Variants in CD86 observed in about 807,000 individuals in gnomAD.
CD86 encodes the protein CD86 molecule.
In CD86, 11 loss-of-function variants were observed where a neutral mutation model predicts 32.1. The ratio of observed to expected loss-of-function variants is 0.34; its 90% CI spans 0.22 to 0.57. CD86 has a LOEUF of 0.57. CD86 is among the 20% of genes least tolerant of loss of function. CD86 has a pLI of 0.86. For missense variants in CD86, 359 were observed against 398.4 expected, an observed-to-expected ratio of 0.90 and a Z score of 0.84; for synonymous variants, 137 against 135.3, an observed-to-expected ratio of 1.01 and a Z score of -0.09.
chr3:122,080,466 G>A (rs145287003), intron 1 of CD86, among the ~76,000 whole-genome samples: 1 of 152,196 alleles, frequency 6.6e-6, no homozygotes, highest in East Asian at 1.9e-4. Context: ...CCTTCTTCTA[G>A]GCCAGTGAGG....
intron 2 of CD86, among the ~76,000 whole-genome samples, chr3:122,100,510 A>C (rs966113874): frequency 2.0e-5 from 3 of 151,946 alleles, no homozygotes; most frequent in African/African-American, 7.3e-5. Context: ...AAAAGAAGGA[A>C]TTTTTTTTAG....
chr3:122,070,430 C>T (rs912868241), intron 1 of CD86, among the ~76,000 whole-genome samples: 19 of 152,098 alleles, frequency 1.2e-4, no homozygotes, highest in African/African-American at 4.6e-4. Flanking sequence ...GAGGGTCCAT[C>T]CTACCCCACC....
At chr3:122,097,113 T>C (rs1222536792) in intron 2 of CD86, among the ~76,000 whole-genome samples, 1 of 152,228 alleles carries the variant, frequency 6.6e-6, no homozygotes, top group Non-Finnish European at 1.5e-5. Context: ...CACTGGGTAT[T>C]ACCAGTATTT....
chr3:122,119,439 GA>G lies in CD86; in HGVS notation c.901del (p.Ile301SerfsTer31). 2 of 1,589,646 alleles carry G rather than the reference GA, an allele frequency of 1.3e-6. No homozygotes were observed. The highest frequency in any genetic ancestry group is 1.7e-6 in the Non-Finnish European group (2 of 1,160,200). On this transcript the variant is annotated frameshift_variant and splice_region_variant, in exon 7 of 7. Transcript: ENST00000330540. LOFTEE classifies it low-confidence loss of function (END_TRUNC). ...TAATCTTTTCTTCTATTTCTCCAGAGAAAAAATCCATATACCTGAAAGATCT... is the reference window on the plus strand; with the variant it reads ...TAATCTTTTCTTCTATTTCTCCAGAGAAAAATCCATATACCTGAAAGATCT... ...REESEQTKKR[E>X]KIHIPERSDE...
chr3:122,084,355 A>G (rs1007950388), intron 1 of CD86, among the ~76,000 whole-genome samples: 1 of 152,262 alleles, frequency 6.6e-6, no homozygotes, highest in Non-Finnish European at 1.5e-5. Flanking sequence ...ATGAAAGGCC[A>G]CATAGAAAAT....
chr3:122,082,476 G>A (rs773405236), intron 1 of CD86, among the ~76,000 whole-genome samples: 5 of 152,036 alleles, frequency 3.3e-5, no homozygotes, highest in African/African-American at 4.8e-5. Flanking sequence ...TTGATAAACC[G>A]AATTTGTCAG....
At chr3:122,081,866 C>T (rs1415152695) in intron 1 of CD86, among the ~76,000 whole-genome samples, 2 of 152,176 alleles carry the variant, frequency 1.3e-5, no homozygotes, top group African/African-American at 4.8e-5. Context: ...TGTAGGAGTG[C>T]TTGCTGTTCT....
intron 5 of CD86, among the ~76,000 whole-genome samples, chr3:122,111,832 C>T (rs1053035526): frequency 4.6e-5 from 7 of 152,134 alleles, no homozygotes; most frequent in African/African-American, 1.7e-4. Flanking sequence ...CAGTGTTAAT[C>T]CCTTTCTCAG....
intron 1 of CD86, among the ~76,000 whole-genome samples, chr3:122,085,868 A>AGCAGGCCTG (rs1332515309): frequency 6.6e-6 from 1 of 152,198 alleles, no homozygotes; most frequent in African/African-American, 2.4e-5. Context: ...GTGCCAGTCC[A>AGCAGGCCTG]GCAGGCCTGG....
At position 122,092,321 on chromosome 3, in the gene CD86, G is replaced by A. The variant is rs142439167; in HGVS notation, c.64+671G>A. Among the ~76,000 whole-genome samples, 69 of 152,214 alleles carry A rather than the reference G, an allele frequency of 4.5e-4. 1 individual carries two copies. Among genetic ancestry groups the A allele is most frequent in the African/African-American group, 1.6e-3 (67 of 41,528 alleles). ...CTGTGAAGGGCCCCCTAGCAGTGTG[G>A]TCACCTGTCTTATGCTTTGGTAAAA... On this transcript the variant is annotated intron_variant, in intron 2 of 6. Transcript: ENST00000330540.
chr3:122,083,231 C>T (rs1447803302), intron 1 of CD86, among the ~76,000 whole-genome samples: 2 of 152,208 alleles, frequency 1.3e-5, no homozygotes. Flanking sequence ...AAATGCAAAT[C>T]TGATGATATC....
chr3:122,101,097 C>A (rs1223422756), intron 2 of CD86, among the ~76,000 whole-genome samples: 1 of 152,018 alleles, frequency 6.6e-6, no homozygotes, highest in Non-Finnish European at 1.5e-5. Context: ...GAATGGATTT[C>A]AAAGTGATTT....
intron 1 of CD86, among the ~76,000 whole-genome samples, chr3:122,077,323 A>G (rs1269352166): frequency 6.6e-6 from 1 of 152,222 alleles, no homozygotes; most frequent in African/African-American, 2.4e-5. Context: ...GCCAAACTCA[A>G]GAGTACCACC....
In CD86 at chr3:122,101,509, A is replaced by ATAT. The variant is rs1436647275; in HGVS notation, c.65-2003_65-2002insTAT. On this transcript the variant is annotated intron_variant, in intron 2 of 6. Transcript: ENST00000330540. ...GAGGCTCTACAGAAAAAAAAAAAAA[A>ATAT]AAAAATATATATATATATATATATA... 1.7e-3 allele frequency among the ~76,000 whole-genome samples: 96 copies of ATAT among 56,914 alleles called. No homozygotes were observed. The East Asian group carries it at 0.023, about 14-fold the overall frequency. 37.3% of individuals were successfully genotyped at this position (56,914 alleles called of 152,430 possible).
intron 1 of CD86, among the ~76,000 whole-genome samples, chr3:122,067,237 T>C (rs1401545007): frequency 6.6e-6 from 1 of 152,154 alleles, no homozygotes; most frequent in Non-Finnish European, 1.5e-5. Context: ...CACTAACTCA[T>C]GAGGAGTAAG....
intron 1 of CD86, among the ~76,000 whole-genome samples, chr3:122,087,453 C>T (rs892950117): frequency 6.6e-6 from 1 of 152,124 alleles, no homozygotes; most frequent in Non-Finnish European, 1.5e-5. Flanking sequence ...CACTTCTTCA[C>T]GGCCAATGAC....
At position 122,091,623 on chromosome 3, in the gene CD86, C is replaced by A. The variant is rs768373907; in HGVS notation, c.37C>A (p.Leu13Ile). The change falls in exon 2 of 7, where the codon CTC (leucine) becomes ATC (isoleucine). Residue 13 changes from leucine to isoleucine, a missense_variant. Transcript: ENST00000330540. ...PQCTMGLSNI[L>I]FVMAFLLSGA... ...TAGCACTATGGGACTGAGTAACATT[C>A]TCTTTGTGATGGCCTTCCTGCTCTC... 3.1e-6 allele frequency: 5 copies of A among 1,612,812 alleles called. No homozygotes were observed. The highest frequency in any genetic ancestry group is 4.2e-6 in the Non-Finnish European group (5 of 1,179,072).
At chr3:122,095,322 C>G (rs2072889219) in intron 2 of CD86, among the ~76,000 whole-genome samples, 1 of 152,008 alleles carries the variant, frequency 6.6e-6, no homozygotes, top group Non-Finnish European at 1.5e-5. Flanking sequence ...CACCTACCAC[C>G]ACAAAATACA....
In CD86 at chr3:122,112,738, T is replaced by G. The variant is rs2073194484; in HGVS notation, c.847+3330T>G. ...GCTTTTTTTGATATGGTGACTATTT[T>G]GTCATGGGTATAAAAGGATAATTCA... On this transcript the variant is annotated intron_variant, in intron 5 of 6. Transcript: ENST00000330540. 7.2e-5 allele frequency among the ~76,000 whole-genome samples: 11 copies of G among 152,236 alleles called. No homozygotes were observed. In the South Asian group the frequency reaches 2.3e-3, roughly 31 times the overall value.
Sources: allele counts gnomAD v4.1 joint callset (sites outside exome capture counted in the v4.1 genomes callset), GRCh38; gene constraint gnomAD v4.1.1; transcripts MANE v1.5; gene names NCBI Gene and HGNC (gene_info 2026-07-23, HGNC 2026-07-21).